The following CCDC178 variants were observed in gnomAD, a reference collection of about 807,000 sequenced individuals.
CCDC178 encodes the protein coiled-coil domain-containing protein 178.
CCDC178 carries 126 observed loss-of-function variants against 117.4 expected under a neutral mutation model. That is an observed-to-expected ratio of 1.07 (90% CI 0.93 to 1.24). The LOEUF (loss-of-function observed/expected upper bound fraction) is 1.24. Among genes scored for constraint, CCDC178 ranks in the 50% most tolerant of loss-of-function variants. The pLI is 0.00. For missense variants in CCDC178, 1,030 were observed against 986.9 expected (o/e 1.04, Z -0.59); for synonymous variants, 283 against 313.4 (o/e 0.90, Z 1.02).
intron 14 of CCDC178, among the ~76,000 whole-genome samples, chr18:33,256,094 G>A (rs2059676109): frequency 6.6e-6 from 1 of 151,894 alleles, no homozygotes; most frequent in African/African-American, 2.4e-5. Context: ...AAGCTGGACT[G>A]CTTTATGTCA....
chr18:33,256,052 T>TTAAA (rs1555672326), intron 14 of CCDC178, among the ~76,000 whole-genome samples: 1 of 151,176 alleles, frequency 6.6e-6, no homozygotes, highest in Non-Finnish European at 1.5e-5. Flanking sequence ...TATTTTGCAC[T>TTAAA]TAAGATAAAT....
intron 5 of CCDC178, among the ~76,000 whole-genome samples, chr18:33,371,276 T>C (rs2063295038): frequency 1.0e-5 from 1 of 96,002 alleles, no homozygotes; most frequent in African/African-American, 2.7e-5. Flanking sequence ...CTCATATATG[T>C]GTGTGTGTGT....
At chr18:33,071,179 A>C (rs1567969774) in intron 21 of CCDC178, among the ~76,000 whole-genome samples, 1 of 152,080 alleles carries the variant, frequency 6.6e-6, no homozygotes, top group Non-Finnish European at 1.5e-5. Context: ...GCGAGTAGTC[A>C]TTGATCAGAG....
chr18:33,344,690 G>A (rs1192165737), intron 9 of CCDC178, among the ~76,000 whole-genome samples: 1 of 151,660 alleles, frequency 6.6e-6, no homozygotes, highest in African/African-American at 2.4e-5. Context: ...AAACAATTAG[G>A]AAAATTGTGC....
At chr18:33,181,250 A>T (rs1014997773) in intron 20 of CCDC178, among the ~76,000 whole-genome samples, 6 of 151,988 alleles carry the variant, frequency 3.9e-5, no homozygotes, top group African/African-American at 1.4e-4. Context: ...GCTATTTGTC[A>T]TAAGATAAAT....
intron 15 of CCDC178, among the ~76,000 whole-genome samples, chr18:33,242,187 G>T (rs1048036689): frequency 6.6e-6 from 1 of 151,764 alleles, no homozygotes; most frequent in Non-Finnish European, 1.5e-5. Flanking sequence ...TTCAATAAAT[G>T]GTGCTAGGAA....
chr18:33,218,607 C>T (rs931845504), intron 18 of CCDC178, among the ~76,000 whole-genome samples: 53 of 152,114 alleles, frequency 3.5e-4, no homozygotes, highest in Middle Eastern at 3.4e-3. Context: ...AGTCTTTAAT[C>T]CATCTTGAAT....
chr18:33,388,729 C>T (rs1032385878), intron 5 of CCDC178, among the ~76,000 whole-genome samples: 7 of 150,942 alleles, frequency 4.6e-5, no homozygotes, highest in East Asian at 2.0e-4. Flanking sequence ...CCGTTTTAGC[C>T]GGGATGGTCT....
Position 33,028,605 on chromosome 18 carries a change from T to C in CCDC178, c.2389-53924A>G, listed in dbSNP as rs191585055. Among the ~76,000 whole-genome samples, 581 of 151,946 alleles carry C rather than the reference T, an allele frequency of 3.8e-3. 2 individuals are homozygous for C. Among genetic ancestry groups the C allele is most frequent in the Admixed American group, 0.014 (218 of 15,250 alleles). ...TTTTTTTGATTACTAATAATTAATG[T>C]CTTTAATTATTTTCCTGATTACTAA... On this transcript the variant is annotated intron_variant, in intron 21 of 22. Coordinates refer to ENST00000383096, the MANE Select transcript of CCDC178 (RefSeq NM_001105528.4).
At chr18:33,185,629 G>A (rs1265974818) in intron 20 of CCDC178, among the ~76,000 whole-genome samples, 1 of 151,964 alleles carries the variant, frequency 6.6e-6, no homozygotes, top group Non-Finnish European at 1.5e-5. Context: ...GGAGATCGCA[G>A]TAAACAAATA....
intron 20 of CCDC178, among the ~76,000 whole-genome samples, chr18:33,188,434 C>A (rs913072429): frequency 6.6e-6 from 1 of 151,910 alleles, no homozygotes; most frequent in Non-Finnish European, 1.5e-5. Flanking sequence ...TCCAAATAAG[C>A]CCAGCATAAT....
chr18:33,297,885 C>CA (rs1015211301), intron 11 of CCDC178, among the ~76,000 whole-genome samples: 5 of 151,838 alleles, frequency 3.3e-5, no homozygotes, highest in African/African-American at 1.2e-4. Context: ...ACTAAAAATA[C>CA]AAAAAAATTC....
intron 11 of CCDC178, among the ~76,000 whole-genome samples, chr18:33,321,318 A>T (rs2062505655): frequency 6.6e-6 from 1 of 152,214 alleles, no homozygotes; most frequent in African/African-American, 2.4e-5. Flanking sequence ...ACAGAATGGG[A>T]GAAAATTTTT....
At chr18:32,983,730 T>C (rs942170496) in intron 21 of CCDC178, among the ~76,000 whole-genome samples, 7 of 152,198 alleles carry the variant, frequency 4.6e-5, no homozygotes, top group Non-Finnish European at 7.4e-5. Flanking sequence ...AGTTTTCACA[T>C]ACTGAAAGCA....
At chr18:33,010,679 A>C (rs2055845245) in intron 21 of CCDC178, among the ~76,000 whole-genome samples, 1 of 152,164 alleles carries the variant, frequency 6.6e-6, no homozygotes, top group East Asian at 1.9e-4. Context: ...GTCCAACTTA[A>C]CTTTCATACC....
At chr18:33,403,657 T>G (rs2063741468) in intron 3 of CCDC178, among the ~76,000 whole-genome samples, 1 of 152,220 alleles carries the variant, frequency 6.6e-6, no homozygotes, top group Non-Finnish European at 1.5e-5. Context: ...TCAACAATTT[T>G]TCTTAGGTCC....
intron 20 of CCDC178, among the ~76,000 whole-genome samples, chr18:33,107,091 C>T (rs2057716941): frequency 6.6e-6 from 1 of 151,716 alleles, no homozygotes; most frequent in Admixed American, 6.6e-5. Context: ...CTTAACCCAT[C>T]AAGACCCAAG....
intron 12 of CCDC178, among the ~76,000 whole-genome samples, chr18:33,289,660 G>A (rs948734685): frequency 6.6e-6 from 1 of 151,882 alleles, no homozygotes; most frequent in Non-Finnish European, 1.5e-5. Context: ...TTTAAAAAAA[G>A]ATAAAAGGAA....
chr18:33,036,045 T>G (rs1280659344), intron 21 of CCDC178, among the ~76,000 whole-genome samples: 2 of 152,030 alleles, frequency 1.3e-5, no homozygotes, highest in South Asian at 4.1e-4. Flanking sequence ...ATGTGGCATT[T>G]TATATTTATG....
Sources: gnomAD v4.1 joint callset for allele counts (sites outside exome capture counted in the v4.1 genomes callset) on GRCh38, gnomAD v4.1.1 for gene constraint, MANE v1.5 for transcripts, NCBI Gene and HGNC (gene_info 2026-07-23, HGNC 2026-07-21) for gene names.